TRPC5: variants seen among roughly 807,000 people sequenced by gnomAD.
TRPC5 encodes the protein transient receptor potential cation channel subfamily C member 5.
In TRPC5, 9 loss-of-function variants were observed where a neutral mutation model predicts 56.5. That is an observed-to-expected ratio of 0.16 (90% CI 0.10 to 0.28). The LOEUF (loss-of-function observed/expected upper bound fraction) is 0.28. TRPC5 is among the 10% of genes least tolerant of loss of function. The pLI, the probability that TRPC5 is intolerant of heterozygous loss-of-function variation, is 1.00. For synonymous variants in TRPC5, 282 were observed against 278.5 expected, an observed-to-expected ratio of 1.01 and a Z score of -0.13; for missense variants, 469 against 748.9, an observed-to-expected ratio of 0.63 and a Z score of 4.36.
intron 1 of TRPC5, among the ~76,000 whole-genome samples, chrX:111,957,724 A>T (rs1286382828): frequency 8.9e-6 from 1 of 112,265 alleles, no homozygotes; most frequent in African/African-American, 3.2e-5. Context: ...CTTGCTGTGC[A>T]TCTACTATTT....
chrX:111,952,482 A>G, intron 1 of TRPC5, 41 bp from the exon 2 acceptor site: 1 of 1,145,347 alleles, frequency 8.7e-7, no homozygotes, highest in Non-Finnish European at 1.2e-6. Flanking sequence ...ATCCTTAGAT[A>G]CGTGGAGGTC....
At chrX:112,035,940 A>G (rs192936205) in intron 1 of TRPC5, among the ~76,000 whole-genome samples, 2 of 107,198 alleles carry the variant, frequency 1.9e-5, no homozygotes, top group Admixed American at 1.0e-4. Flanking sequence ...ATATTATGTT[A>G]TATGTTATAC....
At chrX:111,838,378 T>G (rs760209458) in intron 6 of TRPC5, among the ~76,000 whole-genome samples, 2 of 110,366 alleles carry the variant, frequency 1.8e-5, no homozygotes, top group African/African-American at 6.6e-5. Context: ...GAAAAGAATA[T>G]TCTGGTGAGA....
chrX:112,028,972 G>C (rs959521889), intron 1 of TRPC5, among the ~76,000 whole-genome samples: 3 of 112,178 alleles, frequency 2.7e-5, no homozygotes, highest in Non-Finnish European at 5.6e-5. Context: ...TTAATTTGTT[G>C]AATTTTCTGC....
intron 7 of TRPC5, among the ~76,000 whole-genome samples, chrX:111,828,158 T>C (rs1299834121): frequency 8.9e-6 from 1 of 112,258 alleles, no homozygotes; most frequent in Non-Finnish European, 1.9e-5. Context: ...CGCTCCATCT[T>C]CAAGCCAGCA....
chrX:111,883,560 C>G (rs1924332181), intron 3 of TRPC5, among the ~76,000 whole-genome samples: 1 of 112,822 alleles, frequency 8.9e-6, no homozygotes, highest in Non-Finnish European at 1.9e-5. Flanking sequence ...CCAGTTAAAG[C>G]CTAGCCAGGG....
chrX:112,062,168 T>A (rs1273362914), intron 1 of TRPC5, among the ~76,000 whole-genome samples: 1 of 111,883 alleles, frequency 8.9e-6, no homozygotes, highest in Non-Finnish European at 1.9e-5. Context: ...GTAGTAACTC[T>A]CTCAGGTCAA....
chrX:111,999,067 A>G (rs932787446), intron 1 of TRPC5, among the ~76,000 whole-genome samples: 1 of 111,130 alleles, frequency 9.0e-6, no homozygotes, highest in Non-Finnish European at 1.9e-5. Context: ...TACATTAGGT[A>G]TTTGTCCTAA....
intron 2 of TRPC5, among the ~76,000 whole-genome samples, chrX:111,923,897 C>T (rs1926190005): frequency 8.9e-6 from 1 of 112,372 alleles, no homozygotes; most frequent in African/African-American, 3.2e-5. Context: ...GTCCAGTTAG[C>T]TTTGTAGGTG....
chrX:111,858,473 G>A (rs1192442887), intron 3 of TRPC5, among the ~76,000 whole-genome samples: 2 of 108,387 alleles, frequency 1.8e-5, no homozygotes, highest in Admixed American at 9.9e-5. Flanking sequence ...TGGGAGGGAC[G>A]TCTGATTGAG....
chrX:111,933,983 C>T (rs1448390155), intron 2 of TRPC5, among the ~76,000 whole-genome samples: 10 of 110,755 alleles, frequency 9.0e-5, no homozygotes, highest in Admixed American at 5.8e-4. Flanking sequence ...CAGACATTTG[C>T]CTTTTTGCTA....
chrX:111,777,686 G>C (rs560462324), intron 10 of TRPC5, among the ~76,000 whole-genome samples: 3 of 112,060 alleles, frequency 2.7e-5, no homozygotes, highest in African/African-American at 9.7e-5. Context: ...TAGGCTCTCT[G>C]CTGTCCACCT....
Position 111,912,663 on chromosome X carries a change from G to A in TRPC5, c.528C>T (p.Cys176=). 8.3e-7 allele frequency: 1 copy of A among 1,211,381 alleles called. No homozygotes were observed. The highest frequency in any genetic ancestry group is 1.1e-6 in the Non-Finnish European group (1 of 895,505). ...AACTAGACACACACTCCACACAGTT[G>A]CAGCGGATCTGGTGGGGCCGTGGGA... ...VTIPRPHQIR[C]NCVECVSSSE... is the part of the protein sequence containing the mutation. The change falls in exon 3 of 11, where the codon TGC becomes TGT. Residue 176 remains cysteine, a synonymous_variant. Transcript: ENST00000262839.
chrX:112,007,105 T>C (rs1373135131), intron 1 of TRPC5, among the ~76,000 whole-genome samples: 2 of 110,490 alleles, frequency 1.8e-5, no homozygotes, highest in African/African-American at 6.6e-5. Context: ...GTGGTGGTGG[T>C]GAGGCTAGGA....
At chrX:111,881,319 G>A in intron 3 of TRPC5, among the ~76,000 whole-genome samples, 1 of 110,434 alleles carries the variant, frequency 9.1e-6, no homozygotes, top group Non-Finnish European at 1.9e-5. Flanking sequence ...TGGGACTACA[G>A]GCACGCGCCA....
intron 1 of TRPC5, among the ~76,000 whole-genome samples, chrX:112,055,201 T>A (rs141022683): frequency 1.7e-3 from 194 of 112,311 alleles, no homozygotes; most frequent in African/African-American, 5.7e-3. Context: ...AAATCAGGGA[T>A]TGAGGAGAAA....
chrX:111,885,989 T>C (rs992157914), intron 3 of TRPC5, among the ~76,000 whole-genome samples: 1 of 111,740 alleles, frequency 8.9e-6, no homozygotes, highest in Non-Finnish European at 1.9e-5. Flanking sequence ...AAAAATAATG[T>C]TTTTTTTCTG....
At chrX:111,900,629 T>C (rs939000697) in intron 3 of TRPC5, among the ~76,000 whole-genome samples, 3 of 111,488 alleles carry the variant, frequency 2.7e-5, no homozygotes, top group African/African-American at 9.8e-5. Flanking sequence ...ACTTTAAGTT[T>C]CAACTCAGCT....
chrX:111,894,919 A>G (rs1435465801), intron 3 of TRPC5, among the ~76,000 whole-genome samples: 1 of 110,710 alleles, frequency 9.0e-6, no homozygotes, highest in Non-Finnish European at 1.9e-5. Flanking sequence ...TTGTTCCCGT[A>G]GATTTGTGTG....
Sources: allele counts gnomAD v4.1 joint callset (sites outside exome capture counted in the v4.1 genomes callset), GRCh38; gene constraint gnomAD v4.1.1; transcripts MANE v1.5; gene names NCBI Gene and HGNC (gene_info 2026-07-23, HGNC 2026-07-21).